The following C11orf58 variants were observed in gnomAD, a reference collection of about 807,000 sequenced individuals.
The protein encoded by C11orf58 is small acidic protein.
A neutral mutation model predicts 22.7 loss-of-function variants in C11orf58; 5 were observed. The ratio of observed to expected loss-of-function variants is 0.22; its 90% CI spans 0.12 to 0.46. C11orf58 has a LOEUF of 0.46. C11orf58 is among the 20% of genes least tolerant of loss of function. C11orf58 has a pLI of 0.99. For missense variants in C11orf58, 151 were observed against 223.3 expected (o/e 0.68, Z 2.06); for synonymous variants, 71 against 70.7 (o/e 1.00, Z -0.02).
Position 16,755,214 on chromosome 11 carries a change from T to A in C11orf58, c.*110T>A. 2 of 1,245,088 alleles carry A rather than the reference T, an allele frequency of 1.6e-6. No homozygotes were observed. The highest frequency in any genetic ancestry group is 2.2e-6 in the Non-Finnish European group (2 of 900,514). 77.1% of individuals were successfully genotyped at this position (1,245,088 alleles called of 1,614,324 possible). ...TGTATTATAATTTTTAAAAAGGCCC[T>A]TTTAAATAATTACAAAGAGTGTTTG... On this transcript the variant is annotated 3_prime_UTR_variant, in exon 5 of 5. Transcript: ENST00000228136.
intron 1 of C11orf58, among the ~76,000 whole-genome samples, chr11:16,741,222 C>T (rs1276386713): frequency 3.3e-5 from 5 of 151,484 alleles, no homozygotes; most frequent in African/African-American, 1.2e-4. Context: ...ATTGAGGTAA[C>T]AAAACATTTT....
chr11:16,754,001 AT>A (rs1848554213), intron 4 of C11orf58: 3 of 453,066 alleles, frequency 6.6e-6, no homozygotes, highest in African/African-American at 2.0e-5. Flanking sequence ...GCCAGGGCAC[AT>A]TTTTAATAGG....
At chr11:16,740,443 G>A (rs868313545) in intron 1 of C11orf58, among the ~76,000 whole-genome samples, 5 of 152,144 alleles carry the variant, frequency 3.3e-5, no homozygotes, top group Middle Eastern at 3.4e-3. Flanking sequence ...CTGTCGCCCA[G>A]GCTGGAGTGC....
In C11orf58 at chr11:16,738,699, GGCGGATTGTAA is replaced by G; in HGVS notation, c.-77_-67del. On this transcript the variant is annotated 5_prime_UTR_variant, in exon 1 of 5. Transcript: ENST00000228136. ...CTGTAGTGGCGCTGCTTGGGCCCTT[GGCGGATTGTAA>G]GCTGCTGGTTTTGCGGCTGGGAAGA... 6.7e-7 allele frequency: 1 copy of G among 1,499,156 alleles called. No homozygotes were observed. The highest frequency in any genetic ancestry group is 1.7e-5 in the Admixed American group (1 of 59,874). 92.9% of individuals were successfully genotyped at this position (1,499,156 alleles called of 1,614,324 possible). A position where few individuals can be genotyped will look rare whatever the true frequency, so the allele number is the denominator to read the frequency against.
Position 16,744,217 on chromosome 11 carries a change from G to T in C11orf58, c.64-384G>T, listed in dbSNP as rs571598622. ...ACCCTGCGAGGCAGTGGGTCTCAAA[G>T]TGTGGTCCCCAGATAAATAGCATCA... On this transcript the variant is annotated intron_variant, in intron 1 of 4. Coordinates refer to ENST00000228136, the MANE Select transcript of C11orf58 (RefSeq NM_014267.6). The T allele has an allele frequency of 2.2e-5, 4 of 183,250 alleles. No individual in the cohort carries two copies. In the South Asian group the frequency reaches 4.8e-4, roughly 22 times the overall value. The allele number at this position is 183,250 out of a possible 1,614,324, so 11.4% of individuals were successfully genotyped here. A position where few individuals can be genotyped will look rare whatever the true frequency, so the allele number is the denominator to read the frequency against.
intron 3 of C11orf58, chr11:16,749,864 A>G (rs1444058927): frequency 6.6e-6 from 1 of 152,228 alleles, no homozygotes; most frequent in Non-Finnish European, 1.5e-5. Context: ...GTGGCAAGTA[A>G]CAAGCTGCAT....
rs762585334 is a variant in C11orf58, at chr11:16,738,741, G to T, written c.-38G>T. ...TGGTTTTGCGGCTGGGAAGAGCGGC[G>T]AGAGGGTTCGGCATTTTTCGTCGGG... On this transcript the variant is annotated 5_prime_UTR_variant, in exon 1 of 5. Transcript: ENST00000228136. 5 of 1,611,572 alleles carry T rather than the reference G, an allele frequency of 3.1e-6. No homozygotes were observed. The highest frequency in any genetic ancestry group is 4.2e-6 in the Non-Finnish European group (5 of 1,178,190).
intron 3 of C11orf58, chr11:16,751,332 C>CT (rs1181826732): frequency 6.6e-6 from 1 of 151,998 alleles, no homozygotes; most frequent in Admixed American, 6.6e-5. Flanking sequence ...GAAACCTCGT[C>CT]TTTACTAAAA....
intron 4 of C11orf58, chr11:16,754,089 TA>T: frequency 7.5e-6 from 3 of 398,888 alleles, no homozygotes; most frequent in Non-Finnish European, 1.3e-5. Context: ...AGAGCTTTTT[TA>T]TTTTTTTTTC....
intron 1 of C11orf58, among the ~76,000 whole-genome samples, chr11:16,739,099 G>A (rs538182379): frequency 6.6e-6 from 1 of 152,276 alleles, no homozygotes; most frequent in East Asian, 1.9e-4. Context: ...GTCGAGGAGT[G>A]AAAGAGCTTA....
rs1363988817 is a variant in C11orf58 at position 16,755,627 on chromosome 11, A to G, written c.*523A>G. The G allele has an allele frequency of 1.3e-5, 2 of 152,914 alleles. No individual in the cohort carries two copies. The highest frequency in any genetic ancestry group is 4.8e-5 in the African/African-American group (2 of 41,462). 9.5% of individuals were successfully genotyped at this position (152,914 alleles called of 1,614,324 possible). A position where few individuals can be genotyped will look rare whatever the true frequency, so the allele number is the denominator to read the frequency against. ...CTCTACTCTTTTGGACCAAAGCAAC[A>G]TGAGAGCAAGTACTTTTCACACTTG... is the stretch of plus-strand genomic sequence containing the variant. On this transcript the variant is annotated 3_prime_UTR_variant, in exon 5 of 5. Transcript: ENST00000228136.
In C11orf58 at chr11:16,738,691, G is replaced by T; in HGVS notation, c.-88G>T. 2 of 1,426,494 alleles carry T rather than the reference G, an allele frequency of 1.4e-6. No individual in the cohort carries two copies. Among genetic ancestry groups the T allele is most frequent in the South Asian group, 1.1e-5 (1 of 87,076 alleles). The allele number at this position is 1,426,494 out of a possible 1,614,324, so 88.4% of individuals were successfully genotyped here. A position where few individuals can be genotyped will look rare whatever the true frequency, so the allele number is the denominator to read the frequency against. On this transcript the variant is annotated 5_prime_UTR_variant, in exon 1 of 5. Coordinates refer to ENST00000228136, the MANE Select transcript of C11orf58 (RefSeq NM_014267.6). ...TCTGCGTTCTGTAGTGGCGCTGCTT[G>T]GGCCCTTGGCGGATTGTAAGCTGCT...
intron 2 of C11orf58, among the ~76,000 whole-genome samples, chr11:16,746,295 A>C (rs890708054): frequency 4.6e-5 from 7 of 152,200 alleles, no homozygotes; most frequent in African/African-American, 1.7e-4. Flanking sequence ...GAGATTTCCC[A>C]ATTTGTAATT....
chr11:16,752,658 C>T lies in C11orf58; in HGVS notation c.209-127C>T, dbSNP rs1590075637. ...GGTAACCACCTATGGCATAAATTCTCAAAAGTCATAGTAAAATTAGTCACA... is the reference window on the plus strand; with the variant it reads ...GGTAACCACCTATGGCATAAATTCTTAAAAGTCATAGTAAAATTAGTCACA... On this transcript the variant is annotated intron_variant, in intron 3 of 4. Transcript: ENST00000228136. 7.7e-6 allele frequency: 4 copies of T among 522,370 alleles called. No individual in the cohort carries two copies. In the East Asian group the frequency reaches 1.3e-4, roughly 17 times the overall value. 32.4% of individuals were successfully genotyped at this position (522,370 alleles called of 1,614,324 possible). A position where few individuals can be genotyped will look rare whatever the true frequency, so the allele number is the denominator to read the frequency against.
chr11:16,755,227 C>G lies in C11orf58; in HGVS notation c.*123C>G. 8.5e-7 allele frequency: 1 copy of G among 1,175,564 alleles called. No individual in the cohort carries two copies. The highest frequency in any genetic ancestry group is 2.4e-5 in the East Asian group (1 of 42,260). 72.8% of individuals were successfully genotyped at this position (1,175,564 alleles called of 1,614,324 possible). ...TTAAAAAGGCCCTTTTAAATAATTA[C>G]AAAGAGTGTTTGCTTTCAAATGCCA... On this transcript the variant is annotated 3_prime_UTR_variant, in exon 5 of 5. Transcript: ENST00000228136.
At chr11:16,746,901 C>A (rs950080583) in intron 2 of C11orf58, 2 of 152,350 alleles carry the variant, frequency 1.3e-5, no homozygotes, top group Non-Finnish European at 2.9e-5. Flanking sequence ...TCCCAAAGTG[C>A]TGGGATTACA....
chr11:16,752,573 C>CA (rs1330683737), intron 3 of C11orf58: 1 of 323,198 alleles, frequency 3.1e-6, no homozygotes, highest in African/African-American at 2.1e-5. Flanking sequence ...ATTTAATACC[C>CA]AAAGTGCTTA....
intron 4 of C11orf58, among the ~76,000 whole-genome samples, chr11:16,753,503 C>T (rs1848549708): frequency 9.2e-5 from 14 of 152,072 alleles, no homozygotes. Context: ...GCTGGGATTA[C>T]AGGTGCATGC....
At chr11:16,752,574 A>G (rs959766292) in intron 3 of C11orf58, 1 of 327,864 alleles carries the variant, frequency 3.1e-6, no homozygotes, top group East Asian at 4.8e-5. Context: ...TTTAATACCC[A>G]AAGTGCTTAG....
Sources: allele counts gnomAD v4.1 joint callset (sites outside exome capture counted in the v4.1 genomes callset), GRCh38; gene constraint gnomAD v4.1.1; transcripts MANE v1.5; gene names NCBI Gene and HGNC (gene_info 2026-07-23, HGNC 2026-07-21).